Variants in ATRNL1 observed in about 807,000 individuals in gnomAD.
The protein encoded by ATRNL1 is attractin-like protein 1.
A neutral mutation model predicts 182.7 loss-of-function variants in ATRNL1; 95 were observed. The observed-to-expected ratio is 0.52, with a 90% CI of 0.44 to 0.62. The LOEUF (loss-of-function observed/expected upper bound fraction) is 0.62, where lower values mean the gene tolerates loss of function less well. ATRNL1 is among the 20% of genes least tolerant of loss of function. The pLI is 0.00. For missense variants in ATRNL1, 1,471 were observed against 1,679.5 expected, an observed-to-expected ratio of 0.88 and a Z score of 2.17; for synonymous variants, 576 against 568.3, an observed-to-expected ratio of 1.01 and a Z score of -0.19.
At chr10:115,411,746 C>A (rs1397549611) in intron 20 of ATRNL1, among the ~76,000 whole-genome samples, 4 of 152,050 alleles carry the variant, frequency 2.6e-5, no homozygotes, top group Non-Finnish European at 4.4e-5. Context: ...AAATGTTTTA[C>A]ATTTTATTTA....
intron 21 of ATRNL1, among the ~76,000 whole-genome samples, chr10:115,451,310 C>G (rs1847268650): frequency 6.6e-6 from 1 of 152,096 alleles, no homozygotes; most frequent in Non-Finnish European, 1.5e-5. Flanking sequence ...AAGAAACTAT[C>G]AACAGAAACT....
intron 26 of ATRNL1, among the ~76,000 whole-genome samples, chr10:115,720,603 G>A (rs1555057487): frequency 6.6e-6 from 1 of 152,130 alleles, no homozygotes; most frequent in Non-Finnish European, 1.5e-5. Context: ...TTGAAGTTAT[G>A]ATCTACAATC....
chr10:115,232,946 T>C (rs1554900355), intron 9 of ATRNL1, among the ~76,000 whole-genome samples: 1 of 152,168 alleles, frequency 6.6e-6, no homozygotes, highest in African/African-American at 2.4e-5. Flanking sequence ...TTCTGGTGGC[T>C]AAAAGTCTGA....
At chr10:115,664,390 A>G (rs1344583103) in intron 26 of ATRNL1, among the ~76,000 whole-genome samples, 4 of 152,214 alleles carry the variant, frequency 2.6e-5, no homozygotes, top group African/African-American at 7.2e-5. Context: ...GATATGAGCA[A>G]TAATAGTTTA....
intron 1 of ATRNL1, among the ~76,000 whole-genome samples, chr10:115,104,916 C>CTT (rs34797636): frequency 5.3e-5 from 8 of 151,022 alleles, no homozygotes; most frequent in South Asian, 4.2e-4. Flanking sequence ...TTTTTTTTCT[C>CTT]TTTTTTTAAT....
At chr10:115,713,912 T>C (rs1241461950) in intron 26 of ATRNL1, among the ~76,000 whole-genome samples, 1 of 152,192 alleles carries the variant, frequency 6.6e-6, no homozygotes, top group African/African-American at 2.4e-5. Flanking sequence ...AAAATTCAAG[T>C]TCCGTAAATT....
At chr10:115,942,265 A>G (rs1953753317) in intron 28 of ATRNL1, among the ~76,000 whole-genome samples, 1 of 152,198 alleles carries the variant, frequency 6.6e-6, no homozygotes, top group African/African-American at 2.4e-5. Context: ...TCCCATTGCT[A>G]AACATCTTAA....
chr10:115,904,226 T>C (rs1952435871), intron 28 of ATRNL1, among the ~76,000 whole-genome samples: 1 of 152,180 alleles, frequency 6.6e-6, no homozygotes, highest in Non-Finnish European at 1.5e-5. Context: ...GGCTCAGCAT[T>C]GGTTGGCTGG....
intron 27 of ATRNL1, among the ~76,000 whole-genome samples, chr10:115,800,543 G>C (rs530467306): frequency 6.6e-6 from 1 of 152,164 alleles, no homozygotes; most frequent in African/African-American, 2.4e-5. Flanking sequence ...GCAGGAAAGA[G>C]TTGCTTCTAG....
chr10:115,484,820 A>G (rs1848941636), intron 24 of ATRNL1, among the ~76,000 whole-genome samples: 1 of 151,910 alleles, frequency 6.6e-6, no homozygotes, highest in South Asian at 2.1e-4. Flanking sequence ...TTAGTGCTTT[A>G]AATTTGCTCT....
chr10:115,453,477 T>C (rs1266128331), intron 21 of ATRNL1, among the ~76,000 whole-genome samples: 3 of 152,106 alleles, frequency 2.0e-5, no homozygotes, highest in Non-Finnish European at 1.5e-5. Context: ...TTTTGTACCA[T>C]TTTCTTTTGT....
intron 18 of ATRNL1, among the ~76,000 whole-genome samples, chr10:115,319,898 GT>G (rs1242256613): frequency 1.3e-5 from 2 of 151,768 alleles, no homozygotes; most frequent in Admixed American, 1.3e-4. Flanking sequence ...TACATTTAAG[GT>G]TAATACTGTT....
In ATRNL1 at chr10:115,377,835, T is replaced by C. The variant is rs554233692; in HGVS notation, c.3176-16824T>C. Reference sequence around the variant, plus strand: ...TAGGGTCTGAAGATGATGACACTGCTACTGGGGCTCTAGCAAGTATGAATT... The same window carrying C: ...TAGGGTCTGAAGATGATGACACTGCCACTGGGGCTCTAGCAAGTATGAATT... On this transcript the variant is annotated intron_variant, in intron 19 of 28. Coordinates refer to ENST00000355044, the MANE Select transcript of ATRNL1 (RefSeq NM_207303.4). Among the ~76,000 whole-genome samples the C allele has an allele frequency of 2.6e-5, 4 of 152,314 alleles. No individual in the cohort carries two copies. In the East Asian group the frequency reaches 7.7e-4, roughly 29 times the overall value.
intron 28 of ATRNL1, among the ~76,000 whole-genome samples, chr10:115,912,754 A>C (rs1555116238): frequency 6.6e-6 from 1 of 152,214 alleles, no homozygotes. Flanking sequence ...AAGAATATTT[A>C]AGGATGTCAC....
intron 28 of ATRNL1, among the ~76,000 whole-genome samples, chr10:115,920,158 A>C (rs1953006128): frequency 1.3e-5 from 2 of 152,182 alleles, no homozygotes; most frequent in African/African-American, 4.8e-5. Flanking sequence ...CATTCTTGTC[A>C]CATTATTCCC....
chr10:115,223,942 T>A (rs1849590943), intron 9 of ATRNL1, among the ~76,000 whole-genome samples: 2 of 123,258 alleles, frequency 1.6e-5, no homozygotes, highest in African/African-American at 6.2e-5. Context: ...TTTTTTTTTT[T>A]TTTTTTTCTT....
chr10:115,812,202 G>GGCTTTTACTTTT (rs1334415650), intron 27 of ATRNL1, among the ~76,000 whole-genome samples: 1 of 151,852 alleles, frequency 6.6e-6, no homozygotes, highest in African/African-American at 2.4e-5. Flanking sequence ...AACTATAGTT[G>GGCTTTTACTTTT]GCTTTTACTT....
intron 28 of ATRNL1, among the ~76,000 whole-genome samples, chr10:115,869,989 T>C (rs1951540763): frequency 1.6e-5 from 1 of 62,294 alleles, no homozygotes; most frequent in East Asian, 6.8e-4. Flanking sequence ...TTTTTTTTTT[T>C]TTTGGTGTTA....
intron 24 of ATRNL1, among the ~76,000 whole-genome samples, chr10:115,500,945 T>TTTG (rs1199992427): frequency 1.4e-5 from 2 of 145,322 alleles, no homozygotes; most frequent in Non-Finnish European, 3.0e-5. Context: ...TTTTTTTTTT[T>TTTG]GAGATAGAGT....
Sources: allele counts gnomAD v4.1 joint callset (sites outside exome capture counted in the v4.1 genomes callset), GRCh38; gene constraint gnomAD v4.1.1; transcripts MANE v1.5; gene names NCBI Gene and HGNC (gene_info 2026-07-23, HGNC 2026-07-21).